The following AKAP19 variants were observed in gnomAD, a reference collection of about 807,000 sequenced individuals.
AKAP19 encodes the protein A-kinase anchoring protein 19.
the AKAP19 span, among the ~76,000 whole-genome samples, chr2:189,989,579 G>A: frequency 6.6e-6 from 1 of 152,014 alleles, no homozygotes; most frequent in Non-Finnish European, 1.5e-5. Flanking sequence ...AAAATTGGGG[G>A]TAGAAAGGGT....
At chr2:190,140,076 C>T in the AKAP19 span, among the ~76,000 whole-genome samples, 13 of 152,144 alleles carry the variant, frequency 8.5e-5, no homozygotes, top group South Asian at 2.1e-4. Flanking sequence ...GTCTGAAATC[C>T]GATGGGTCAG....
the AKAP19 span, among the ~76,000 whole-genome samples, chr2:189,996,877 C>T: frequency 4.6e-5 from 7 of 152,220 alleles, no homozygotes; most frequent in Non-Finnish European, 8.8e-5. Context: ...TGGGTCTAGC[C>T]ACCCAGCAGG....
chr2:190,072,808 C>G, the AKAP19 span, among the ~76,000 whole-genome samples: 5 of 152,202 alleles, frequency 3.3e-5, no homozygotes, highest in South Asian at 4.1e-4. Flanking sequence ...AAAATAACAG[C>G]TAAAACGTTA....
the AKAP19 span, among the ~76,000 whole-genome samples, chr2:190,045,103 T>C: frequency 2.6e-5 from 4 of 151,718 alleles, no homozygotes; most frequent in East Asian, 7.8e-4. Flanking sequence ...CCTCTAAGAG[T>C]GCTGTCCCAA....
the AKAP19 span, among the ~76,000 whole-genome samples, chr2:190,166,317 CT>C: frequency 0.018 from 1,197 of 65,298 alleles, 1 homozygote; most frequent in African/African-American, 0.029. Flanking sequence ...AAAATCCACT[CT>C]TTTTTTTTTT....
At chr2:190,050,570 A>G in the AKAP19 span, among the ~76,000 whole-genome samples, 2 of 152,196 alleles carry the variant, frequency 1.3e-5, no homozygotes, top group African/African-American at 4.8e-5. Flanking sequence ...TTACATTTTT[A>G]TCATTAGTGA....
the AKAP19 span, among the ~76,000 whole-genome samples, chr2:190,030,719 A>G: frequency 6.6e-6 from 1 of 152,226 alleles, no homozygotes; most frequent in Non-Finnish European, 1.5e-5. Context: ...TCATCACAAT[A>G]TATAACTTTA....
the AKAP19 span, among the ~76,000 whole-genome samples, chr2:190,138,113 G>A: frequency 6.6e-6 from 1 of 152,186 alleles, no homozygotes; most frequent in Non-Finnish European, 1.5e-5. Flanking sequence ...GAATGTAAGA[G>A]GTGGTATGAA....
At chr2:190,044,122 C>T in the AKAP19 span, among the ~76,000 whole-genome samples, 1 of 152,128 alleles carries the variant, frequency 6.6e-6, no homozygotes, top group Non-Finnish European at 1.5e-5. Context: ...GGGTTCCTTT[C>T]CCCCTTGAGT....
chr2:190,097,095 C>T, the AKAP19 span, among the ~76,000 whole-genome samples: 2 of 152,100 alleles, frequency 1.3e-5, no homozygotes, highest in African/African-American at 4.8e-5. Flanking sequence ...TTCAGGTGTA[C>T]ATGTGCAGAA....
the AKAP19 span, among the ~76,000 whole-genome samples, chr2:189,951,842 G>A: frequency 6.6e-6 from 1 of 152,168 alleles, no homozygotes; most frequent in Admixed American, 6.5e-5. Flanking sequence ...AGCAAATGCA[G>A]GAAGAACTCT....
chr2:190,194,034 G>A, the AKAP19 span, among the ~76,000 whole-genome samples: 139 of 151,710 alleles, frequency 9.2e-4, no homozygotes, highest in East Asian at 0.02. Flanking sequence ...TTTCTTCTTT[G>A]TCCCATGGGT....
chr2:190,040,785 T>TC, the AKAP19 span, among the ~76,000 whole-genome samples: 33 of 152,328 alleles, frequency 2.2e-4, no homozygotes, highest in Non-Finnish European at 4.7e-4. Context: ...GAGAGTCTTT[T>TC]CCCCATTGCT....
chr2:189,895,665 T>A, the AKAP19 span, among the ~76,000 whole-genome samples: 1 of 152,292 alleles, frequency 6.6e-6, no homozygotes. Flanking sequence ...AATGTTTTAT[T>A]TGGGACCAAA....
the AKAP19 span, among the ~76,000 whole-genome samples, chr2:190,107,067 A>T: frequency 6.6e-6 from 1 of 152,222 alleles, no homozygotes; most frequent in Non-Finnish European, 1.5e-5. Flanking sequence ...GAGAAGGGCC[A>T]TATTTATATG....
chr2:190,048,964 T>C, the AKAP19 span, among the ~76,000 whole-genome samples: 1 of 152,110 alleles, frequency 6.6e-6, no homozygotes, highest in Non-Finnish European at 1.5e-5. Flanking sequence ...AAATAAAATA[T>C]AAGATGCATT....
the AKAP19 span, among the ~76,000 whole-genome samples, chr2:189,923,087 G>T: frequency 7.9e-5 from 12 of 152,172 alleles, no homozygotes; most frequent in Admixed American, 2.6e-4. Flanking sequence ...GGAGGCGGAG[G>T]TTGCAGTGAG....
the AKAP19 span, among the ~76,000 whole-genome samples, chr2:190,189,213 G>A: frequency 1.3e-5 from 2 of 152,206 alleles, no homozygotes; most frequent in African/African-American, 4.8e-5. Context: ...GTCTTTACCG[G>A]CAAGAATTAA....
the AKAP19 span, among the ~76,000 whole-genome samples, chr2:190,062,019 G>A: frequency 6.6e-6 from 1 of 151,626 alleles, no homozygotes; most frequent in Non-Finnish European, 1.5e-5. Flanking sequence ...TTAGTTTTTT[G>A]TCTCTATAAG....
Sources: gnomAD v4.1 joint callset for allele counts (sites outside exome capture counted in the v4.1 genomes callset) on GRCh38, gnomAD v4.1.1 for gene constraint, MANE v1.5 for transcripts, NCBI Gene and HGNC (gene_info 2026-07-23, HGNC 2026-07-21) for gene names.